NTRK2: variants seen among roughly 807,000 people sequenced by gnomAD.
The protein encoded by NTRK2 is neurotrophic receptor tyrosine kinase 2.
In NTRK2, 13 loss-of-function variants were observed where a neutral mutation model predicts 94.5. The observed-to-expected ratio is 0.14, with a 90% CI of 0.09 to 0.22. NTRK2 has a LOEUF of 0.22. Among genes scored for constraint, NTRK2 ranks in the 10% least tolerant of loss-of-function variants. The pLI is 1.00. For synonymous variants in NTRK2, 372 were observed against 407.4 expected, an observed-to-expected ratio of 0.91 and a Z score of 1.05; for missense variants, 639 against 1,071.2, an observed-to-expected ratio of 0.60 and a Z score of 5.63.
intron 17 of NTRK2, among the ~76,000 whole-genome samples, chr9:84,977,697 A>G (rs1419748301): frequency 1.3e-5 from 2 of 152,236 alleles, no homozygotes; most frequent in Non-Finnish European, 2.9e-5. Context: ...TTGTACAGGC[A>G]TACCTCATTG....
chr9:84,798,267 A>C (rs1289666206), intron 12 of NTRK2, among the ~76,000 whole-genome samples: 1 of 152,058 alleles, frequency 6.6e-6, no homozygotes, highest in African/African-American at 2.4e-5. Flanking sequence ...TGACCTAGTT[A>C]TTATACCTCC....
intron 12 of NTRK2, among the ~76,000 whole-genome samples, chr9:84,778,270 A>C (rs1356044621): frequency 6.6e-6 from 1 of 152,166 alleles, no homozygotes; most frequent in African/African-American, 2.4e-5. Flanking sequence ...CTAAATAAAC[A>C]AAAACAAAAA....
chr9:84,917,151 T>A (rs1235787830), intron 14 of NTRK2, among the ~76,000 whole-genome samples: 2 of 152,214 alleles, frequency 1.3e-5, no homozygotes, highest in Admixed American at 6.5e-5. Context: ...GGCATAGAAG[T>A]CCTTGTTGGC....
intron 2 of NTRK2, among the ~76,000 whole-genome samples, chr9:84,681,674 C>T (rs2059399459): frequency 6.6e-6 from 1 of 152,164 alleles, no homozygotes; most frequent in South Asian, 2.1e-4. Flanking sequence ...TTTCGCATCC[C>T]CGCCTCCAGT....
chr9:84,886,027 T>C (rs2076402529), intron 14 of NTRK2, among the ~76,000 whole-genome samples: 1 of 151,106 alleles, frequency 6.6e-6, no homozygotes, highest in Admixed American at 6.6e-5. Flanking sequence ...CAAGACTTCG[T>C]CTGAAAAAAA....
chr9:84,982,794 G>C (rs963799143), intron 17 of NTRK2, among the ~76,000 whole-genome samples: 1 of 152,104 alleles, frequency 6.6e-6, no homozygotes, highest in Non-Finnish European at 1.5e-5. Context: ...TGTATGCTTT[G>C]ATTTAAAAAT....
intron 12 of NTRK2, among the ~76,000 whole-genome samples, chr9:84,760,600 T>C (rs1333324862): frequency 3.3e-5 from 5 of 152,262 alleles, no homozygotes; most frequent in Non-Finnish European, 5.9e-5. Flanking sequence ...GTGTGAATTA[T>C]TGCAAATTCT....
intron 12 of NTRK2, among the ~76,000 whole-genome samples, chr9:84,788,703 G>T (rs1449088682): frequency 6.6e-6 from 1 of 152,026 alleles, no homozygotes; most frequent in Non-Finnish European, 1.5e-5. Context: ...TGAGGAGGGG[G>T]AGCAAATGGC....
chr9:85,014,713 G>A (rs1014631176), intron 17 of NTRK2, among the ~76,000 whole-genome samples: 2 of 152,140 alleles, frequency 1.3e-5, no homozygotes, highest in Admixed American at 6.5e-5. Context: ...TCTAATGCAA[G>A]ATATTTACAC....
chr9:85,002,817 A>T (rs1017479494), intron 17 of NTRK2, among the ~76,000 whole-genome samples: 3 of 152,204 alleles, frequency 2.0e-5, no homozygotes, highest in African/African-American at 7.2e-5. Flanking sequence ...AGGAACAGAG[A>T]AGAATCTCAC....
At chr9:84,866,483 T>C (rs1441455744) in intron 13 of NTRK2, among the ~76,000 whole-genome samples, 1 of 152,192 alleles carries the variant, frequency 6.6e-6, no homozygotes, top group Non-Finnish European at 1.5e-5. Context: ...CTTTCAATGC[T>C]CTGTGAAATA....
intron 15 of NTRK2, among the ~76,000 whole-genome samples, chr9:84,947,296 C>T (rs1291077492): frequency 2.0e-5 from 3 of 152,138 alleles, no homozygotes; most frequent in Non-Finnish European, 4.4e-5. Context: ...GACATTGGGC[C>T]CTCCTGGATA....
chr9:84,934,439 G>T, intron 15 of NTRK2, 147 bp downstream of exon 15: 2 of 899,704 alleles, frequency 2.2e-6, no homozygotes, highest in Middle Eastern at 3.3e-4. Flanking sequence ...AAACTAAATG[G>T]ACAGTGGAAA....
At chr9:84,846,851 C>T (rs2074497796) in intron 12 of NTRK2, among the ~76,000 whole-genome samples, 2 of 152,202 alleles carry the variant, frequency 1.3e-5, no homozygotes, top group South Asian at 4.1e-4. Context: ...CCTCAAGACT[C>T]GCATCGTTCC....
intron 16 of NTRK2, among the ~76,000 whole-genome samples, chr9:84,950,753 A>G (rs1171176932): frequency 1.3e-5 from 2 of 152,170 alleles, no homozygotes; most frequent in Non-Finnish European, 2.9e-5. Flanking sequence ...CATTTAATCC[A>G]TCTCAAGGTC....
rs578195162 is a variant in NTRK2 at position 84,914,895 on chromosome 9, C to T, written c.1634-19267C>T. 9.1e-4 allele frequency among the ~76,000 whole-genome samples: 138 copies of T among 152,296 alleles called. 1 individual carries two copies. Among genetic ancestry groups the T allele is most frequent in the African/African-American group, 3.2e-3 (134 of 41,556 alleles). On this transcript the variant is annotated intron_variant, in intron 14 of 18. Coordinates refer to ENST00000277120, the MANE Select transcript of NTRK2 (RefSeq NM_006180.6). The stretch of plus-strand genomic sequence containing the variant: ...TTTCAGTCTTCTTATGTTTGCTTAA[C>T]ACAGTGGTTCCCAACTTTTTGGCAC...
chr9:84,934,725 A>C (rs1216634977), intron 15 of NTRK2, among the ~76,000 whole-genome samples: 1 of 152,134 alleles, frequency 6.6e-6, no homozygotes, highest in Non-Finnish European at 1.5e-5. Flanking sequence ...TTCCCCTCTC[A>C]GCCTCTGTGC....
intron 2 of NTRK2, among the ~76,000 whole-genome samples, chr9:84,691,917 A>G (rs959438767): frequency 6.6e-6 from 1 of 152,170 alleles, no homozygotes; most frequent in Admixed American, 6.5e-5. Flanking sequence ...TTAGCTGCAG[A>G]GGGCACCCCA....
At chr9:84,702,613 T>C (rs1237437005) in intron 4 of NTRK2, among the ~76,000 whole-genome samples, 194 bp downstream of exon 4, 1 of 152,228 alleles carries the variant, frequency 6.6e-6, no homozygotes, top group Admixed American at 6.5e-5. Context: ...TAGAACAGGC[T>C]GTTTATTCCC....
Sources: gnomAD v4.1 joint callset for allele counts (sites outside exome capture counted in the v4.1 genomes callset) on GRCh38, gnomAD v4.1.1 for gene constraint, MANE v1.5 for transcripts, NCBI Gene and HGNC (gene_info 2026-07-23, HGNC 2026-07-21) for gene names.